TBC1D16: variants seen among roughly 807,000 people sequenced by gnomAD.
The protein encoded by TBC1D16 is TBC1 domain family member 16, also known as CTD-2529O21.1.
Under a neutral mutation model 74.7 loss-of-function variants are expected in TBC1D16, and 58 were observed. That is an observed-to-expected ratio of 0.78 (90% CI 0.63 to 0.97). The LOEUF (loss-of-function observed/expected upper bound fraction) is 0.97. Among genes scored for constraint, TBC1D16 ranks in the 50% least tolerant of loss-of-function variants. TBC1D16 has a pLI of 0.00. For synonymous variants in TBC1D16, 493 were observed against 474.7 expected (o/e 1.04, Z -0.50); for missense variants, 1,014 against 1,079.5 (o/e 0.94, Z 0.85).
At chr17:80,025,115 C>CATACCATGA (rs1378974240) in intron 1 of TBC1D16, among the ~76,000 whole-genome samples, 5 of 81,804 alleles carry the variant, frequency 6.1e-5, no homozygotes, top group Admixed American at 1.1e-4. Flanking sequence ...CACACAAACA[C>CATACCATGA]CACAGACACA....
At position 79,988,874 on chromosome 17, in the gene TBC1D16, T is replaced by G. The variant is rs1376748793; in HGVS notation, c.779+21286A>C. ...CCTGGTCCCGTCTTCTGGGCTCTGC[T>G]GGGCTGGACGGTGCCACCCTCCCCA... is the stretch of plus-strand genomic sequence containing the variant. On this transcript the variant is annotated intron_variant, in intron 3 of 11. Transcript: ENST00000310924. The surrounding 1 kb of genome is among the most constrained non-coding windows in gnomAD (Gnocchi z 5.7). Among the ~76,000 whole-genome samples, 1 of 152,220 alleles carries G rather than the reference T, an allele frequency of 6.6e-6. No homozygotes were observed. The highest frequency in any genetic ancestry group is 2.4e-5 in the African/African-American group (1 of 41,460).
chr17:79,992,782 C>G (rs572034347), intron 3 of TBC1D16: 2 of 152,446 alleles, frequency 1.3e-5, no homozygotes, highest in African/African-American at 4.8e-5. Flanking sequence ...TCACATCACC[C>G]CAGCCCCAGC....
chr17:79,940,847 C>G lies in TBC1D16; in HGVS notation c.*12G>C. 3 of 1,522,468 alleles carry G rather than the reference C, an allele frequency of 2.0e-6. No individual in the cohort carries two copies. The highest frequency in any genetic ancestry group is 2.7e-6 in the Non-Finnish European group (3 of 1,127,654). The allele number at this position is 1,522,468 out of a possible 1,614,324, so 94.3% of individuals were successfully genotyped here. A position where few individuals can be genotyped will look rare whatever the true frequency, so the allele number is the denominator to read the frequency against. ...GGTCCCCTCAACCCCTGTCCGGTGT[C>G]GGGGGCCCGACCTATCTGCGGAAGC... On this transcript the variant is annotated 3_prime_UTR_variant, in exon 12 of 12. Transcript: ENST00000310924. This position sits in a 1 kb window ranked among gnomAD's most constrained non-coding sequence, Gnocchi z 5.4.
chr17:79,964,697 C>T (rs1304661921), intron 3 of TBC1D16, among the ~76,000 whole-genome samples: 1 of 152,154 alleles, frequency 6.6e-6, no homozygotes, highest in Admixed American at 6.5e-5. Context: ...ATATTCAACT[C>T]TCAGTACTAT....
At chr17:79,974,453 GTCT>G in intron 3 of TBC1D16, among the ~76,000 whole-genome samples, 1 of 152,034 alleles carries the variant, frequency 6.6e-6, no homozygotes, top group East Asian at 1.9e-4. Flanking sequence ...GCCCAGGCTG[GTCT>G]CGAACTCCTG....
chr17:80,011,223 T>TC (rs1409941730), intron 2 of TBC1D16, among the ~76,000 whole-genome samples: 2 of 151,400 alleles, frequency 1.3e-5, no homozygotes, highest in Non-Finnish European at 3.0e-5. Flanking sequence ...TTTTTTTTTT[T>TC]TTTGGTAGAA....
chr17:79,940,945 TG>T lies in TBC1D16; in HGVS notation c.2217del (p.Thr740ArgfsTer10). 2 of 1,601,088 alleles carry T rather than the reference TG, an allele frequency of 1.2e-6. No homozygotes were observed. Among genetic ancestry groups the T allele is most frequent in the Non-Finnish European group, 1.7e-6 (2 of 1,174,068 alleles). On this transcript the variant is annotated frameshift_variant, in exon 12 of 12. Transcript: ENST00000310924. LOFTEE classifies it high-confidence loss of function. The surrounding 1 kb of genome is among the most constrained non-coding windows in gnomAD (Gnocchi z 5.4). ...HPGSESCPYG[G>X]TVEMPSPKSL... is the part of the protein sequence containing the mutation. ...GACTTGGGGGAAGGCATCTCCACCG[TG>T]CCCCCGTAGGGACAGCTCTCCGAGC...
intron 1 of TBC1D16, among the ~76,000 whole-genome samples, chr17:80,028,521 T>G (rs1358021757): frequency 6.6e-6 from 1 of 151,084 alleles, no homozygotes; most frequent in Non-Finnish European, 1.5e-5. Context: ...AGAGCGAGAC[T>G]CTATCTCAAA....
At position 79,942,096 on chromosome 17, in the gene TBC1D16, C is replaced by T. The variant is rs749085096; in HGVS notation, c.2019G>A (p.Leu673=). 9.3e-6 allele frequency: 15 copies of T among 1,612,460 alleles called. No individual in the cohort carries two copies. Among genetic ancestry groups the T allele is most frequent in the African/African-American group, 1.3e-5 (1 of 75,028 alleles). ...TDQMLLHFGN[L]AMHMNGELVL... ...CGAGCTCCCCGTTCATGTGCATGGC[C>T]AGGTTTCCGAAGTGCAGGAGCATCT... is the stretch of plus-strand genomic sequence containing the variant. The change falls in exon 11 of 12, where the codon CTG becomes CTA. Residue 673 remains leucine, a synonymous_variant. Coordinates refer to ENST00000310924, the MANE Select transcript of TBC1D16 (RefSeq NM_019020.4).
At chr17:79,978,367 A>T (rs2034428942) in intron 3 of TBC1D16, among the ~76,000 whole-genome samples, 1 of 152,044 alleles carries the variant, frequency 6.6e-6, no homozygotes, top group African/African-American at 2.4e-5. Flanking sequence ...GGAAGCGGGC[A>T]GGCACATCCT....
At position 80,010,556 on chromosome 17, in the gene TBC1D16, G is replaced by T. The variant is rs146642818; in HGVS notation, c.383C>A (p.Thr128Lys). 5 of 1,605,786 alleles carry T rather than the reference G, an allele frequency of 3.1e-6. No homozygotes were observed. Among genetic ancestry groups the T allele is most frequent in the Non-Finnish European group, 4.2e-6 (5 of 1,177,350 alleles). ...GGGGGTCAGGGTAGGCCGCAGCTCC[G>T]TCGGGGAGGGCTGGTGGGAGGCTCC... Reference protein sequence around the residue: ...SSGASHQPSPTELRPTLTPKD... With the variant: ...SSGASHQPSPKELRPTLTPKD... Residue 128 changes from threonine (T) to lysine (K), a missense_variant, in exon 3 of 12, where the codon ACG becomes AAG. Coordinates refer to ENST00000310924, the MANE Select transcript of TBC1D16 (RefSeq NM_019020.4). The surrounding 1 kb of genome is among the most constrained non-coding windows in gnomAD (Gnocchi z 8.8).
intron 3 of TBC1D16, among the ~76,000 whole-genome samples, chr17:79,997,658 T>C (rs918006242): frequency 2.2e-4 from 33 of 152,232 alleles, no homozygotes; most frequent in Admixed American, 2.1e-3. Context: ...TCCCATACCA[T>C]TAATGTCTTG....
intron 3 of TBC1D16, among the ~76,000 whole-genome samples, chr17:79,999,978 G>C (rs758348619): frequency 1.3e-5 from 2 of 152,144 alleles, no homozygotes; most frequent in Non-Finnish European, 2.9e-5. Context: ...AGGGGTCGAC[G>C]AGGCTGGGCC....
At position 79,987,855 on chromosome 17, in the gene TBC1D16, G is replaced by C. The variant is rs1305505350; in HGVS notation, c.779+22305C>G. Among the ~76,000 whole-genome samples, 3 of 145,826 alleles carry C rather than the reference G, an allele frequency of 2.1e-5. No individual in the cohort carries two copies. Among genetic ancestry groups the C allele is most frequent in the Non-Finnish European group, 1.5e-5 (1 of 66,952 alleles). The stretch of plus-strand genomic sequence containing the variant: ...TTCCCATCCTGAAGCTTTTAAAGCA[G>C]ACAAACACATGAGTGCTGGGTGGGG... On this transcript the variant is annotated intron_variant, in intron 3 of 11. Coordinates refer to ENST00000310924, the MANE Select transcript of TBC1D16 (RefSeq NM_019020.4). This position sits in a 1 kb window ranked among gnomAD's most constrained non-coding sequence, Gnocchi z 5.2.
chr17:80,032,964 A>T (rs2036825108), intron 1 of TBC1D16, among the ~76,000 whole-genome samples: 1 of 152,174 alleles, frequency 6.6e-6, no homozygotes, highest in Non-Finnish European at 1.5e-5. Context: ...TCTGCTCCCC[A>T]TAGCATCCTG....
chr17:80,022,213 A>G (rs1365747337), intron 1 of TBC1D16, among the ~76,000 whole-genome samples: 1 of 150,066 alleles, frequency 6.7e-6, no homozygotes, highest in Non-Finnish European at 1.5e-5. Context: ...TAAAGTATCG[A>G]GCAGTTCATT....
chr17:80,007,121 C>G lies in TBC1D16; in HGVS notation c.779+3039G>C, dbSNP rs1483700739. 2.0e-5 allele frequency among the ~76,000 whole-genome samples: 3 copies of G among 152,208 alleles called. No individual in the cohort carries two copies. Among genetic ancestry groups the G allele is most frequent in the Admixed American group, 2.0e-4 (3 of 15,292 alleles). On this transcript the variant is annotated intron_variant, in intron 3 of 11. Coordinates refer to ENST00000310924, the MANE Select transcript of TBC1D16 (RefSeq NM_019020.4). This position sits in a 1 kb window ranked among gnomAD's most constrained non-coding sequence, Gnocchi z 4.5. Reference sequence around the variant, plus strand: ...CCCAGCACAAAGCTGCAACTCGCCACGTTCAGCGAGCCTCCCCTGGACCGG... The same window carrying G: ...CCCAGCACAAAGCTGCAACTCGCCAGGTTCAGCGAGCCTCCCCTGGACCGG...
At chr17:79,970,508 A>G (rs1003983556) in intron 3 of TBC1D16, among the ~76,000 whole-genome samples, 1 of 152,244 alleles carries the variant, frequency 6.6e-6, no homozygotes, top group Non-Finnish European at 1.5e-5. Context: ...TGTACAAAGC[A>G]TGGCCTCAGA....
intron 1 of TBC1D16, among the ~76,000 whole-genome samples, chr17:80,033,336 G>T (rs1263956184): frequency 6.6e-6 from 1 of 150,980 alleles, no homozygotes; most frequent in South Asian, 2.1e-4. Context: ...AGAGGAGTTG[G>T]GGTTTTTGTT....
Sources: allele counts gnomAD v4.1 joint callset (sites outside exome capture counted in the v4.1 genomes callset), GRCh38; gene constraint gnomAD v4.1.1; non-coding constraint Gnocchi (gnomAD v3.1); transcripts MANE v1.5; gene names NCBI Gene and HGNC (gene_info 2026-07-23, HGNC 2026-07-21).